Variants in CSMD1 observed in about 807,000 individuals in gnomAD.
CSMD1 encodes CUB and sushi domain-containing protein 1.
In CSMD1, 213 loss-of-function variants were observed where a neutral mutation model predicts 417.5. The observed-to-expected ratio is 0.51, with a 90% confidence interval of 0.46 to 0.57. The LOEUF is 0.57. CSMD1 is among the 20% of genes least tolerant of loss of function. CSMD1 has a pLI of 0.00. For synonymous variants in CSMD1, 2,862 were observed against 1,736.8 expected (o/e 1.65, Z -16.11); for missense variants, 6,923 against 4,529.7 (o/e 1.53, Z -15.17).
At chr8:4,773,964 G>T (rs28701574) in intron 1 of CSMD1, among the ~76,000 whole-genome samples, 1 of 152,086 alleles carries the variant, frequency 6.6e-6, no homozygotes, top group African/African-American at 2.4e-5. Context: ...TTGAGGCAGA[G>T]GTGGGTGGAT....
intron 6 of CSMD1, among the ~76,000 whole-genome samples, chr8:3,729,023 A>T (rs1802660394): frequency 6.6e-6 from 1 of 152,218 alleles, no homozygotes; most frequent in African/African-American, 2.4e-5. Flanking sequence ...AGCCCCGCCA[A>T]ACCGACCAGC....
intron 3 of CSMD1, among the ~76,000 whole-genome samples, chr8:4,359,380 G>C: frequency 6.6e-6 from 1 of 152,152 alleles, no homozygotes; most frequent in East Asian, 1.9e-4. Flanking sequence ...TATCAATAGG[G>C]TTTAAACTCA....
chr8:4,668,219 T>C (rs1176465927), intron 1 of CSMD1, among the ~76,000 whole-genome samples: 1 of 151,916 alleles, frequency 6.6e-6, no homozygotes, highest in Non-Finnish European at 1.5e-5. Flanking sequence ...CCTTCCAACT[T>C]TGATAATGGG....
chr8:4,615,611 T>C (rs17417078), intron 2 of CSMD1, among the ~76,000 whole-genome samples: 4,429 of 152,290 alleles, frequency 0.029, 94 homozygotes, highest in Non-Finnish European at 0.047. Context: ...AGAGGCGCTA[T>C]AGCCAAAAGT....
chr8:3,367,347 G>C (rs931966973), intron 19 of CSMD1, 100 bp from the exon 20 acceptor site: 14 of 723,384 alleles, frequency 1.9e-5, no homozygotes, highest in Non-Finnish European at 2.8e-5. Context: ...GAGACATAGA[G>C]ATGACAGAGA....
rs1377358831 is a variant in CSMD1, at chr8:3,011,748, G to C, written c.8029+6729C>G. 4.3e-4 allele frequency among the ~76,000 whole-genome samples: 66 copies of C among 152,300 alleles called. 2 individuals carry two copies. Among genetic ancestry groups the C allele is most frequent in the Non-Finnish European group, 7.3e-5 (5 of 68,030 alleles). ...GTGGAGAGAGGATGGGTTCTTATGT[G>C]CTGAAAAGTCTAAATGATGTAAATG... On this transcript the variant is annotated intron_variant, in intron 52 of 69. Coordinates refer to ENST00000635120, the MANE Select transcript of CSMD1 (RefSeq NM_033225.6).
chr8:3,486,544 T>C (rs1192885320), intron 11 of CSMD1, among the ~76,000 whole-genome samples: 5 of 152,002 alleles, frequency 3.3e-5, no homozygotes, highest in African/African-American at 1.2e-4. Flanking sequence ...TCAGAGAAAA[T>C]AGCCACAGTG....
At chr8:4,805,147 GT>G (rs534561294) in intron 1 of CSMD1, among the ~76,000 whole-genome samples, 4 of 152,134 alleles carry the variant, frequency 2.6e-5, no homozygotes, top group Non-Finnish European at 4.4e-5. Context: ...CAGGGACGAT[GT>G]TTTTTCCCCC....
chr8:3,988,128 C>G (rs549421865), intron 5 of CSMD1, among the ~76,000 whole-genome samples: 1 of 152,112 alleles, frequency 6.6e-6, no homozygotes, highest in African/African-American at 2.4e-5. Flanking sequence ...ACCTCTTATT[C>G]ATAGTCATCT....
intron 49 of CSMD1, among the ~76,000 whole-genome samples, chr8:3,072,075 G>A (rs1369244125): frequency 1.3e-5 from 2 of 152,132 alleles, no homozygotes; most frequent in Admixed American, 6.5e-5. Flanking sequence ...TTATTTTTTA[G>A]AAGAAAATCA....
chr8:4,508,392 G>C (rs1802643964), intron 2 of CSMD1, among the ~76,000 whole-genome samples: 1 of 152,090 alleles, frequency 6.6e-6, no homozygotes, highest in South Asian at 2.1e-4. Context: ...TTTTGATATT[G>C]AATTTTATAC....
intron 3 of CSMD1, among the ~76,000 whole-genome samples, chr8:4,075,113 T>A (rs1054060764): frequency 6.6e-6 from 1 of 152,096 alleles, no homozygotes; most frequent in African/African-American, 2.4e-5. Context: ...CAAAGTTGAA[T>A]ACAGTAAATA....
chr8:4,179,709 A>G (rs1584968430), intron 3 of CSMD1, among the ~76,000 whole-genome samples: 1 of 150,574 alleles, frequency 6.6e-6, no homozygotes, highest in South Asian at 2.1e-4. Flanking sequence ...CAGAATCTAC[A>G]ATGAACTCCA....
At chr8:4,060,994 C>G (rs1040364178) in intron 3 of CSMD1, among the ~76,000 whole-genome samples, 1 of 151,882 alleles carries the variant, frequency 6.6e-6, no homozygotes, top group African/African-American at 2.4e-5. Context: ...TGTGAGCAAG[C>G]AAAGCAAAAA....
At chr8:4,181,253 T>G (rs762375726) in intron 3 of CSMD1, among the ~76,000 whole-genome samples, 1 of 152,228 alleles carries the variant, frequency 6.6e-6, no homozygotes, top group African/African-American at 2.4e-5. Flanking sequence ...CATACCACCC[T>G]GAACGTGCCC....
chr8:3,441,443 C>A (rs1489013422), intron 12 of CSMD1, among the ~76,000 whole-genome samples: 1 of 151,330 alleles, frequency 6.6e-6, no homozygotes. Flanking sequence ...ATTGAACAGT[C>A]TTTCATTCCT....
rs546404019 is a variant in CSMD1 at position 2,938,139 on chromosome 8, T to A, written c.*446A>T. 1 of 154,524 alleles carries A rather than the reference T, an allele frequency of 6.5e-6. No homozygotes were observed. Among genetic ancestry groups the A allele is most frequent in the African/African-American group, 2.4e-5 (1 of 41,648 alleles). 9.6% of individuals were successfully genotyped at this position (154,524 alleles called of 1,614,324 possible). A position where few individuals can be genotyped will look rare whatever the true frequency, so the allele number is the denominator to read the frequency against. Reference sequence around the variant, plus strand: ...TTTATTTTTTTCAGAGTATTCGTGTTCATGGGGGTTTAAAAAGGAAAAACA... The same window carrying A: ...TTTATTTTTTTCAGAGTATTCGTGTACATGGGGGTTTAAAAAGGAAAAACA... On this transcript the variant is annotated 3_prime_UTR_variant, in exon 70 of 70. Coordinates refer to ENST00000635120, the MANE Select transcript of CSMD1 (RefSeq NM_033225.6).
intron 5 of CSMD1, among the ~76,000 whole-genome samples, chr8:3,830,417 G>A (rs1425803856): frequency 6.6e-6 from 1 of 152,112 alleles, no homozygotes; most frequent in Non-Finnish European, 1.5e-5. Context: ...ATGATACCCA[G>A]GTTCTAATTA....
chr8:3,367,275 G>C (rs1434743377), intron 19 of CSMD1, 28 bp from the exon 20 acceptor site: 7 of 1,496,168 alleles, frequency 4.7e-6, no homozygotes, highest in South Asian at 1.2e-5. Flanking sequence ...GGGAGAGAGA[G>C]AGAGACAGAG....
Sources: gnomAD v4.1 joint callset for allele counts (sites outside exome capture counted in the v4.1 genomes callset) on GRCh38, gnomAD v4.1.1 for gene constraint, MANE v1.5 for transcripts, NCBI Gene and HGNC (gene_info 2026-07-23, HGNC 2026-07-21) for gene names.